TNR: variants seen among roughly 807,000 people sequenced by gnomAD.
TNR encodes the protein tenascin-R.
TNR carries 45 observed loss-of-function variants against 150.4 expected under a neutral mutation model. That is an observed-to-expected ratio of 0.30 (90% CI 0.24 to 0.38). The LOEUF is 0.38. Among genes scored for constraint, TNR ranks in the 10% least tolerant of loss-of-function variants. The pLI is 1.00. For missense variants in TNR, 1,544 were observed against 1,759.1 expected, an observed-to-expected ratio of 0.88 and a Z score of 2.19; for synonymous variants, 687 against 678.4, an observed-to-expected ratio of 1.01 and a Z score of -0.20.
chr1:175,612,262 C>G (rs1663622267), intron 1 of TNR, among the ~76,000 whole-genome samples: 2 of 152,296 alleles, frequency 1.3e-5, no homozygotes, highest in Admixed American at 6.5e-5. Context: ...CTAGGTTTCT[C>G]CTACACTGCC....
At chr1:175,507,287 T>A (rs547287109) in intron 2 of TNR, among the ~76,000 whole-genome samples, 2 of 152,282 alleles carry the variant, frequency 1.3e-5, no homozygotes, top group African/African-American at 4.8e-5. Context: ...TGCCTGGGAA[T>A]CCTGATTTCA....
chr1:175,534,048 T>G (rs1311947914), intron 1 of TNR, among the ~76,000 whole-genome samples: 1 of 152,208 alleles, frequency 6.6e-6, no homozygotes, highest in Non-Finnish European at 1.5e-5. Context: ...TTTTAAATGT[T>G]GCCATAATGA....
In TNR at chr1:175,329,474, C is replaced by T. The variant is rs188968270; in HGVS notation, c.3793+600G>A. Among the ~76,000 whole-genome samples, 127 of 152,190 alleles carry T rather than the reference C, an allele frequency of 8.3e-4. 2 individuals are homozygous for T. Among genetic ancestry groups the T allele is most frequent in the African/African-American group, 2.9e-3 (119 of 41,542 alleles). On this transcript the variant is annotated intron_variant, in intron 21 of 22. Coordinates refer to ENST00000367674, the MANE Select transcript of TNR (RefSeq NM_003285.3). ...AACCTGACCGTCTATGTGGTTCTTG[C>T]GGAGGAATGAAAAGAAACATGGCAA... is the stretch of plus-strand genomic sequence containing the variant.
intron 1 of TNR, among the ~76,000 whole-genome samples, chr1:175,598,133 T>C (rs1205613082): frequency 1.3e-5 from 2 of 152,144 alleles, no homozygotes; most frequent in Non-Finnish European, 2.9e-5. Context: ...CTTGCATTAG[T>C]CAAACAGGAT....
rs377557295 is a variant in TNR at position 175,524,223 on chromosome 1, A to T, written c.-64+4046T>A. Reference sequence around the variant, plus strand: ...TGTCCTCCTTGTGTTCAGAGTCCAGATGGGGTGTGGCACCTAGTATATGCT... The same window carrying T: ...TGTCCTCCTTGTGTTCAGAGTCCAGTTGGGGTGTGGCACCTAGTATATGCT... On this transcript the variant is annotated intron_variant, in intron 2 of 22. Coordinates refer to ENST00000367674, the MANE Select transcript of TNR (RefSeq NM_003285.3). Among the ~76,000 whole-genome samples the T allele has an allele frequency of 1.1e-4, 17 of 152,058 alleles. No homozygotes were observed. The East Asian group carries it at 3.3e-3, about 30-fold the overall frequency.
chr1:175,557,221 C>G (rs1029980584), intron 1 of TNR, among the ~76,000 whole-genome samples: 4 of 152,270 alleles, frequency 2.6e-5, no homozygotes, highest in Admixed American at 1.3e-4. Flanking sequence ...TGGTCAACAT[C>G]TAGGTTGCAG....
intron 1 of TNR, among the ~76,000 whole-genome samples, chr1:175,685,381 C>T (rs555868726): frequency 1.3e-5 from 2 of 152,182 alleles, no homozygotes; most frequent in African/African-American, 4.8e-5. Context: ...TCAAACAATA[C>T]TCATTGCACA....
At chr1:175,734,004 T>G (rs1187664291) in intron 1 of TNR, among the ~76,000 whole-genome samples, 1 of 152,178 alleles carries the variant, frequency 6.6e-6, no homozygotes, top group African/African-American at 2.4e-5. Flanking sequence ...CAACCTTCCC[T>G]TGAGCTCAGA....
At chr1:175,379,934 T>A (rs2102025898) in intron 8 of TNR, among the ~76,000 whole-genome samples, 197 bp from the exon 9 acceptor site, 1 of 152,314 alleles carries the variant, frequency 6.6e-6, no homozygotes, top group African/African-American at 2.4e-5. Context: ...GAGTGATACT[T>A]GGGAGCTGAA....
At chr1:175,467,148 C>A (rs186853709) in intron 2 of TNR, among the ~76,000 whole-genome samples, 2 of 151,912 alleles carry the variant, frequency 1.3e-5, no homozygotes, top group East Asian at 1.9e-4. Flanking sequence ...GAGAACAGAC[C>A]GGGACTAATA....
At chr1:175,499,526 C>A (rs1658639502) in intron 2 of TNR, among the ~76,000 whole-genome samples, 1 of 152,032 alleles carries the variant, frequency 6.6e-6, no homozygotes, top group Non-Finnish European at 1.5e-5. Context: ...TTCCTCCACA[C>A]CCTCCCTTCT....
intron 2 of TNR, among the ~76,000 whole-genome samples, chr1:175,496,260 G>A (rs1053142244): frequency 3.9e-5 from 6 of 152,108 alleles, no homozygotes; most frequent in African/African-American, 1.2e-4. Flanking sequence ...AGTCAAATTC[G>A]TCTCACTAAT....
chr1:175,490,510 CT>C (rs1234592935), intron 2 of TNR, among the ~76,000 whole-genome samples: 2 of 152,110 alleles, frequency 1.3e-5, no homozygotes, highest in African/African-American at 2.4e-5. Flanking sequence ...CTATAAGGAA[CT>C]TACACAAATT....
intron 1 of TNR, among the ~76,000 whole-genome samples, chr1:175,567,648 G>T (rs1661696018): frequency 1.3e-5 from 2 of 152,140 alleles, no homozygotes; most frequent in Admixed American, 1.3e-4. Context: ...GAAGAGAGTG[G>T]GGAGTGAGAA....
intron 1 of TNR, among the ~76,000 whole-genome samples, chr1:175,614,578 A>G (rs1299640110): frequency 6.6e-6 from 1 of 152,058 alleles, no homozygotes; most frequent in Non-Finnish European, 1.5e-5. Context: ...TTCTGGGAAC[A>G]TATCATCATC....
At chr1:175,466,868 A>G (rs746719569) in intron 2 of TNR, among the ~76,000 whole-genome samples, 1 of 152,054 alleles carries the variant, frequency 6.6e-6, no homozygotes, top group Non-Finnish European at 1.5e-5. Flanking sequence ...TGGGTTCCCC[A>G]TTAGTATCCA....
In TNR at chr1:175,650,828, T is replaced by TAATA. The variant is rs1422456651; in HGVS notation, c.-165+92397_-165+92398insTATT. ...TACTACCTGTCCCCCACCTCCTTAC[T>TAATA]ACCCCTCCCCCACCTCATTACTACC... On this transcript the variant is annotated intron_variant, in intron 1 of 22. Coordinates refer to ENST00000367674, the MANE Select transcript of TNR (RefSeq NM_003285.3). Among the ~76,000 whole-genome samples, 12 of 57,628 alleles carry TAATA rather than the reference T, an allele frequency of 2.1e-4. 1 individual carries two copies. Among genetic ancestry groups the TAATA allele is most frequent in the Middle Eastern group, 0.012 (1 of 86 alleles). The allele number at this position is 57,628 out of a possible 152,430, so 37.8% of individuals were successfully genotyped here. A position where few individuals can be genotyped will look rare whatever the true frequency, so the allele number is the denominator to read the frequency against.
At chr1:175,504,851 G>A (rs530290899) in intron 2 of TNR, among the ~76,000 whole-genome samples, 4 of 152,180 alleles carry the variant, frequency 2.6e-5, no homozygotes, top group Non-Finnish European at 4.4e-5. Flanking sequence ...TCATATGAGC[G>A]AGCCCTACTC....
Position 175,319,876 on chromosome 1 carries a change from AAC to A in TNR, c.*3479_*3480del, listed in dbSNP as rs1205241285. ...ACCAGTTCACTGTGGTCTCAAGGCC[AAC>A]AGTTTTCCACAGACTTGTCATTCTT... On this transcript the variant is annotated 3_prime_UTR_variant, in exon 23 of 23. Coordinates refer to ENST00000367674, the MANE Select transcript of TNR (RefSeq NM_003285.3). The A allele has an allele frequency of 6.6e-6, 1 of 152,228 alleles. No individual in the cohort carries two copies. Among genetic ancestry groups the A allele is most frequent in the Non-Finnish European group, 1.5e-5 (1 of 68,042 alleles). The allele number at this position is 152,228 out of a possible 1,614,324, so 9.4% of individuals were successfully genotyped here. A position where few individuals can be genotyped will look rare whatever the true frequency, so the allele number is the denominator to read the frequency against.
Sources: allele counts gnomAD v4.1 joint callset (sites outside exome capture counted in the v4.1 genomes callset), GRCh38; gene constraint gnomAD v4.1.1; transcripts MANE v1.5; gene names NCBI Gene and HGNC (gene_info 2026-07-23, HGNC 2026-07-21).